ABI3BP: variants seen among roughly 807,000 people sequenced by gnomAD.
ABI3BP encodes target of Nesh-SH3.
Under a neutral mutation model 268.6 loss-of-function variants are expected in ABI3BP, and 216 were observed. The ratio of observed to expected loss-of-function variants is 0.80; its 90% CI spans 0.72 to 0.90. The LOEUF is 0.90. ABI3BP is among the 40% of genes least tolerant of loss of function. The probability of loss-of-function intolerance (pLI) is 0.00; values close to 1 mark genes in which losing one functional copy is unlikely to be tolerated. For missense variants in ABI3BP, 2,090 were observed against 2,182.4 expected (o/e 0.96, Z 0.84); for synonymous variants, 730 against 730.0 (o/e 1.00, Z 0.00).
chr3:100,800,639 G>A (rs918832150), intron 51 of ABI3BP, among the ~76,000 whole-genome samples: 3 of 152,132 alleles, frequency 2.0e-5, no homozygotes, highest in South Asian at 2.1e-4. Context: ...CACCATGCCC[G>A]GCTAATTTTT....
chr3:100,753,893 C>A, intron 64 of ABI3BP, 45 bp from the exon 65 acceptor site: 1 of 1,576,842 alleles, frequency 6.3e-7, no homozygotes, highest in East Asian at 2.3e-5. Flanking sequence ...TAGGTAAAAC[C>A]CCAACATTCC....
chr3:100,823,615 G>C, intron 36 of ABI3BP, 101 bp from the exon 37 acceptor site: 2 of 800,258 alleles, frequency 2.5e-6, no homozygotes, highest in Non-Finnish European at 3.6e-6. Flanking sequence ...TTCTTCCAGA[G>C]AAACAAAAAA....
intron 2 of ABI3BP, among the ~76,000 whole-genome samples, chr3:100,913,960 G>A (rs1195189576): frequency 2.6e-5 from 4 of 152,122 alleles, no homozygotes; most frequent in Admixed American, 2.6e-4. Context: ...TAATGAATCT[G>A]CTCTTCTACC....
chr3:100,823,520 C>G lies in ABI3BP; in HGVS notation c.2747-6G>C. On this transcript the variant is annotated splice_polypyrimidine_tract_variant and splice_region_variant and intron_variant, in intron 36 of 67. Coordinates refer to ENST00000471714, the MANE Select transcript of ABI3BP (RefSeq NM_001375547.2). ...TTCTAGGACTGTAGCAGGAACTGACCAAAACAACATGTAAATCAAAGAGAT... is the reference window on the plus strand; with the variant it reads ...TTCTAGGACTGTAGCAGGAACTGACGAAAACAACATGTAAATCAAAGAGAT... The G allele has an allele frequency of 6.6e-7, 1 of 1,524,896 alleles. No individual in the cohort carries two copies. The highest frequency in any genetic ancestry group is 8.8e-7 in the Non-Finnish European group (1 of 1,141,284). The allele number at this position is 1,524,896 out of a possible 1,614,324, so 94.5% of individuals were successfully genotyped here.
chr3:100,834,134 C>T (rs191044241), intron 29 of ABI3BP, among the ~76,000 whole-genome samples: 1 of 152,160 alleles, frequency 6.6e-6, no homozygotes, highest in Non-Finnish European at 1.5e-5. Flanking sequence ...CCATATCTGG[C>T]TAGTTTTTCT....
rs2099056007 is a variant in ABI3BP at position 100,866,882 on chromosome 3, T to C, written c.985A>G (p.Thr329Ala). The C allele has an allele frequency of 3.7e-6, 6 of 1,613,470 alleles. No homozygotes were observed. The highest frequency in any genetic ancestry group is 3.4e-6 in the Non-Finnish European group (4 of 1,179,528). Residue 329 changes from threonine to alanine, a missense_variant, in exon 10 of 68, where the codon ACA becomes GCA. Thr to Ala is a moderately conservative substitution (Grantham distance 58). Transcript: ENST00000471714. Reference sequence around the variant, plus strand: ...AACAACATAGCGATCTCATTACCTGTTGTGGGTCGTGCTGAGATTTTTTCA... The same window carrying C: ...AACAACATAGCGATCTCATTACCTGCTGTGGGTCGTGCTGAGATTTTTTCA... ...EVEKISARPTTVTPETVPRST... is the reference protein window; with the variant it reads ...EVEKISARPTAVTPETVPRST...
intron 1 of ABI3BP, among the ~76,000 whole-genome samples, chr3:100,966,975 T>C (rs980507412): frequency 2.0e-5 from 3 of 151,894 alleles, no homozygotes; most frequent in Non-Finnish European, 2.9e-5. Flanking sequence ...GACTCAGATA[T>C]GGGAGACTTA....
intron 1 of ABI3BP, among the ~76,000 whole-genome samples, chr3:100,984,522 AG>A (rs1416080658): frequency 6.6e-6 from 1 of 152,212 alleles, no homozygotes; most frequent in African/African-American, 2.4e-5. Flanking sequence ...CACATCTTCT[AG>A]CTCCTTCTTT....
At chr3:100,918,338 A>ATCCACCCG (rs1435956630) in intron 2 of ABI3BP, among the ~76,000 whole-genome samples, 2 of 149,712 alleles carry the variant, frequency 1.3e-5, no homozygotes, top group African/African-American at 5.0e-5. Flanking sequence ...CCGTCCACCC[A>ATCCACCCG]TCCACCCGTC....
intron 56 of ABI3BP, among the ~76,000 whole-genome samples, chr3:100,789,137 G>A (rs1426101917): frequency 6.6e-6 from 1 of 152,038 alleles, no homozygotes; most frequent in Admixed American, 6.6e-5. Flanking sequence ...CTGAAAGTAA[G>A]TATTAAATAA....
chr3:100,895,107 GA>G (rs1292049812), intron 4 of ABI3BP, among the ~76,000 whole-genome samples: 1 of 151,802 alleles, frequency 6.6e-6, no homozygotes, highest in Non-Finnish European at 1.5e-5. Context: ...ACATGAGAAA[GA>G]AAAAATAAGC....
At chr3:100,986,782 T>C (rs981184003) in intron 1 of ABI3BP, among the ~76,000 whole-genome samples, 3 of 152,208 alleles carry the variant, frequency 2.0e-5, no homozygotes, top group East Asian at 1.9e-4. Context: ...ATCTGTGAAA[T>C]GGAGCTAATA....
Position 100,957,656 on chromosome 3 carries a change from G to A in ABI3BP, c.80-31175C>T, listed in dbSNP as rs574404566. Among the ~76,000 whole-genome samples the A allele has an allele frequency of 4.7e-4, 71 of 152,282 alleles. 1 individual carries two copies. The highest frequency in any genetic ancestry group is 1.2e-3 in the Admixed American group (19 of 15,290). ...GGTAAAATGAGAATGAATCAGCAAAGGAGACTTAATAGCAGCCAGTGAGAA... is the reference window on the plus strand; with the variant it reads ...GGTAAAATGAGAATGAATCAGCAAAAGAGACTTAATAGCAGCCAGTGAGAA... On this transcript the variant is annotated intron_variant, in intron 1 of 67. Coordinates refer to ENST00000471714, the MANE Select transcript of ABI3BP (RefSeq NM_001375547.2).
intron 62 of ABI3BP, among the ~76,000 whole-genome samples, chr3:100,769,473 T>A (rs560505094): frequency 1.2e-4 from 18 of 152,334 alleles, no homozygotes; most frequent in African/African-American, 4.3e-4. Context: ...TTACATCGGA[T>A]ATTATGAATA....
At chr3:100,910,746 G>T (rs920159426) in intron 2 of ABI3BP, among the ~76,000 whole-genome samples, 9 of 152,014 alleles carry the variant, frequency 5.9e-5, no homozygotes, top group Non-Finnish European at 1.2e-4. Flanking sequence ...TGTGAAAAAA[G>T]ATTTTGAAAT....
At position 100,787,817 on chromosome 3, in the gene ABI3BP, G is replaced by A. The variant is rs1213349714; in HGVS notation, c.4088-15C>T. On this transcript the variant is annotated splice_polypyrimidine_tract_variant and intron_variant, in intron 56 of 67. Transcript: ENST00000471714. The stretch of plus-strand genomic sequence containing the variant: ...CCTATTCAGAACTAAAATAAAGTGG[G>A]ATATAAATAGTTCATTTTCTTATTG... The A allele has an allele frequency of 2.4e-5, 35 of 1,479,938 alleles. No individual in the cohort carries two copies. Among genetic ancestry groups the A allele is most frequent in the Non-Finnish European group, 3.0e-5 (34 of 1,119,174 alleles). The allele number at this position is 1,479,938 out of a possible 1,614,324, so 91.7% of individuals were successfully genotyped here. A position where few individuals can be genotyped will look rare whatever the true frequency, so the allele number is the denominator to read the frequency against.
chr3:100,958,603 C>T (rs904399540), intron 1 of ABI3BP, among the ~76,000 whole-genome samples: 1 of 121,980 alleles, frequency 8.2e-6, no homozygotes, highest in Non-Finnish European at 1.7e-5. Flanking sequence ...CCCACCTTTG[C>T]GACAAGCAAG....
intron 43 of ABI3BP, 147 bp from the exon 44 acceptor site, chr3:100,816,118 A>T (rs2098034490): frequency 1.6e-6 from 1 of 607,872 alleles, no homozygotes; most frequent in Non-Finnish European, 2.8e-6. Context: ...TGCTTTTGGA[A>T]GATTTGGCCA....
intron 1 of ABI3BP, among the ~76,000 whole-genome samples, chr3:100,934,435 A>G (rs538912474): frequency 2.0e-5 from 3 of 152,258 alleles, no homozygotes; most frequent in Admixed American, 2.0e-4. Context: ...CAGTGCCACA[A>G]TAAACATATG....
Sources: allele counts gnomAD v4.1 joint callset (sites outside exome capture counted in the v4.1 genomes callset), GRCh38; gene constraint gnomAD v4.1.1; transcripts MANE v1.5; gene names NCBI Gene and HGNC (gene_info 2026-07-23, HGNC 2026-07-21).